Variants in SENP7 observed in about 807,000 individuals in gnomAD.
SENP7 encodes the protein sentrin-specific protease 7.
In SENP7, 64 loss-of-function variants were observed where a neutral mutation model predicts 141.2. The ratio of observed to expected loss-of-function variants is 0.45; its 90% confidence interval spans 0.37 to 0.56. The LOEUF (loss-of-function observed/expected upper bound fraction) is 0.56. SENP7 is among the 20% of genes least tolerant of loss of function. The pLI is 0.00. For synonymous variants in SENP7, 382 were observed against 426.4 expected, an observed-to-expected ratio of 0.90 and a Z score of 1.28; for missense variants, 1,025 against 1,212.2, an observed-to-expected ratio of 0.85 and a Z score of 2.29.
At chr3:101,412,731 G>C (rs1337474736) in intron 5 of SENP7, among the ~76,000 whole-genome samples, 3 of 152,028 alleles carry the variant, frequency 2.0e-5, no homozygotes, top group East Asian at 1.9e-4. Flanking sequence ...CAAAAGCCTT[G>C]TATAAGTGTC....
In SENP7 at chr3:101,332,116, A is replaced by G; in HGVS notation, c.2574-7T>C. On this transcript the variant is annotated splice_region_variant and splice_polypyrimidine_tract_variant and intron_variant, in intron 18 of 23. Coordinates refer to ENST00000394095, the MANE Select transcript of SENP7 (RefSeq NM_020654.5). ...TGCGAGATACCAGTGAGACCTGTTG[A>G]AAAAGAACTACAATCTTAATACCAT... 1 of 1,612,332 alleles carries G rather than the reference A, an allele frequency of 6.2e-7. No homozygotes were observed. The highest frequency in any genetic ancestry group is 1.1e-5 in the South Asian group (1 of 90,996).
At chr3:101,460,952 T>C (rs1318677756) in intron 3 of SENP7, among the ~76,000 whole-genome samples, 2 of 151,534 alleles carry the variant, frequency 1.3e-5, no homozygotes, top group African/African-American at 4.8e-5. Flanking sequence ...AAAGGTATAG[T>C]ATTCAAAATT....
chr3:101,462,111 C>T (rs2063565796), intron 3 of SENP7, among the ~76,000 whole-genome samples: 1 of 152,140 alleles, frequency 6.6e-6, no homozygotes, highest in Non-Finnish European at 1.5e-5. Context: ...AAAGTGGTTG[C>T]ACAACACTGT....
At chr3:101,356,630 T>G (rs966942162) in intron 11 of SENP7, among the ~76,000 whole-genome samples, 1 of 152,176 alleles carries the variant, frequency 6.6e-6, no homozygotes, top group African/African-American at 2.4e-5. Context: ...GATATTTACA[T>G]AGAATCAATT....
chr3:101,365,005 G>GA lies in SENP7; in HGVS notation c.1319-15dup. 2 of 1,444,564 alleles carry GA rather than the reference G, an allele frequency of 1.4e-6. No individual in the cohort carries two copies. The highest frequency in any genetic ancestry group is 1.6e-5 in the South Asian group (1 of 63,334). The allele number at this position is 1,444,564 out of a possible 1,614,324, so 89.5% of individuals were successfully genotyped here. ...TGGAAACAACAACTAAAACGGAAAA[G>GA]AAAAATGTATTTTTGTTTATTTATT... On this transcript the variant is annotated splice_polypyrimidine_tract_variant and intron_variant, in intron 9 of 23. Coordinates refer to ENST00000394095, the MANE Select transcript of SENP7 (RefSeq NM_020654.5).
At chr3:101,328,905 A>G (rs2058973766) in intron 20 of SENP7, among the ~76,000 whole-genome samples, 1 of 152,160 alleles carries the variant, frequency 6.6e-6, no homozygotes, top group Non-Finnish European at 1.5e-5. Context: ...GCAGTTAAGG[A>G]GTTTTAACTT....
At chr3:101,368,556 T>C (rs190213334) in intron 7 of SENP7, among the ~76,000 whole-genome samples, 1,227 of 115,296 alleles carry the variant, frequency 0.011, 18 homozygotes, top group African/African-American at 0.039. Context: ...AAAGGGAACA[T>C]CACACACTGG....
At chr3:101,417,811 T>A in intron 4 of SENP7, 21 bp from the exon 5 acceptor site, 2 of 1,543,816 alleles carry the variant, frequency 1.3e-6, no homozygotes, top group Non-Finnish European at 1.8e-6. Context: ...CATAAATAAT[T>A]AGTATATATG....
At chr3:101,349,737 T>A (rs1324369287) in intron 12 of SENP7, among the ~76,000 whole-genome samples, 1 of 152,124 alleles carries the variant, frequency 6.6e-6, no homozygotes, top group Admixed American at 6.6e-5. Context: ...TTTAACACCA[T>A]CATGAGAAAA....
At chr3:101,328,128 C>G (rs991624544) in intron 22 of SENP7, among the ~76,000 whole-genome samples, 3 of 152,050 alleles carry the variant, frequency 2.0e-5, no homozygotes, top group Non-Finnish European at 2.9e-5. Flanking sequence ...CAGTAAATTA[C>G]AAAATTACAC....
At chr3:101,451,906 AAT>A (rs1331265804) in intron 4 of SENP7, among the ~76,000 whole-genome samples, 1 of 152,214 alleles carries the variant, frequency 6.6e-6, no homozygotes, top group East Asian at 1.9e-4. Context: ...TCAATTAGGA[AAT>A]GAGGAAGTCA....
intron 11 of SENP7, 81 bp downstream of exon 11, chr3:101,361,634 G>C (rs891233352): frequency 1.5e-6 from 2 of 1,329,818 alleles, no homozygotes; most frequent in Non-Finnish European, 2.0e-6. Context: ...ATTCTTATTT[G>C]TGCTAAGAAA....
chr3:101,330,976 G>T (rs773945904), intron 19 of SENP7, among the ~76,000 whole-genome samples: 1 of 152,114 alleles, frequency 6.6e-6, no homozygotes, highest in African/African-American at 2.4e-5. Context: ...AAAACTCGTG[G>T]AAGAATTATA....
chr3:101,331,865 C>T (rs1263915807), intron 19 of SENP7, 120 bp downstream of exon 19: 12 of 935,488 alleles, frequency 1.3e-5, no homozygotes, highest in Admixed American at 2.7e-5. Context: ...TTTATTCATC[C>T]TGTTAAAGTA....
chr3:101,414,147 T>A (rs1357681779), intron 5 of SENP7: 1 of 501,524 alleles, frequency 2.0e-6, no homozygotes, highest in Non-Finnish European at 3.5e-6. Flanking sequence ...GGAGAACAGA[T>A]CCTTTAAAAG....
intron 4 of SENP7, among the ~76,000 whole-genome samples, chr3:101,452,204 G>A (rs1357756922): frequency 6.6e-6 from 1 of 152,130 alleles, no homozygotes; most frequent in Non-Finnish European, 1.5e-5. Flanking sequence ...ACTGCTCAAT[G>A]AAATAAAAGA....
At chr3:101,346,407 G>C (rs1457603029) in intron 13 of SENP7, among the ~76,000 whole-genome samples, 3 of 151,940 alleles carry the variant, frequency 2.0e-5, no homozygotes, top group Admixed American at 6.6e-5. Context: ...CCCACTACTG[G>C]GTATCTACCC....
intron 4 of SENP7, among the ~76,000 whole-genome samples, chr3:101,434,448 G>T (rs1213126243): frequency 1.3e-5 from 2 of 151,812 alleles, no homozygotes; most frequent in African/African-American, 2.4e-5. Flanking sequence ...AAATGAAATT[G>T]AAATTTTAAA....
chr3:101,406,522 T>C (rs2061311803), intron 5 of SENP7, among the ~76,000 whole-genome samples: 1 of 151,340 alleles, frequency 6.6e-6, no homozygotes, highest in Non-Finnish European at 1.5e-5. Flanking sequence ...ACATGGCACA[T>C]GTATACATAT....
Sources: gnomAD v4.1 joint callset for allele counts (sites outside exome capture counted in the v4.1 genomes callset) on GRCh38, gnomAD v4.1.1 for gene constraint, MANE v1.5 for transcripts, NCBI Gene and HGNC (gene_info 2026-07-23, HGNC 2026-07-21) for gene names.